Variants in AMZ1 observed in about 807,000 individuals in gnomAD.
AMZ1 encodes the protein archaemetzincin-1.
A neutral mutation model predicts 29.9 loss-of-function variants in AMZ1; 39 were observed. That is an observed-to-expected ratio of 1.30 (90% CI 1.01 to 1.70). The LOEUF is 1.70. Ranked by LOEUF, AMZ1 falls within the 40% of genes most tolerant of loss-of-function variation. AMZ1 has a pLI of 0.00. For missense variants in AMZ1, 1,041 were observed against 680.6 expected (o/e 1.53, Z -5.89); for synonymous variants, 458 against 304.0 (o/e 1.51, Z -5.27).
At chr7:2,697,167 A>G (rs141811638) in intron 1 of AMZ1, among the ~76,000 whole-genome samples, 1,846 of 152,278 alleles carry the variant, frequency 0.012, 43 homozygotes, top group African/African-American at 0.043. Flanking sequence ...CAATGGCGCA[A>G]TCTCGGCTCA....
At chr7:2,708,813 C>T in intron 4 of AMZ1, 97 bp downstream of exon 4, 3 of 1,570,080 alleles carry the variant, frequency 1.9e-6, no homozygotes, top group Non-Finnish European at 2.6e-6. Context: ...TTGCTTCAAG[C>T]ACCCTCCTGG....
At chr7:2,733,791 GGGACTCTCTTT>G (rs1790021667) in intron 4 of AMZ1, among the ~76,000 whole-genome samples, 1 of 152,198 alleles carries the variant, frequency 6.6e-6, no homozygotes, top group Admixed American at 6.5e-5. Flanking sequence ...CCTCTGATGG[GGGACTCTCTTT>G]CCAGACATGA....
chr7:2,703,304 C>G (rs1788168958), intron 3 of AMZ1, among the ~76,000 whole-genome samples: 1 of 152,092 alleles, frequency 6.6e-6, no homozygotes, highest in South Asian at 2.1e-4. Flanking sequence ...CCACACCCGG[C>G]TAATTTTTGT....
rs368696591 is a variant in AMZ1, at chr7:2,709,128, C to A, written c.655C>A (p.Pro219Thr). ...CTCAGGGGAATTCCCGAAGTCGGGGCCCAGCGCCCCTGATCTGGCCCTGGT... is the reference window on the plus strand; with the variant it reads ...CTCAGGGGAATTCCCGAAGTCGGGGACCAGCGCCCCTGATCTGGCCCTGGT... ...RFSGEFPKSG[P>T]SAPDLALVEA... The change falls in exon 5 of 7, where the codon CCC (proline) becomes ACC (threonine). Residue 219 changes from proline to threonine, a missense_variant. By Grantham distance (38) the Pro-to-Thr change is conservative (BLOSUM62 -1). Coordinates refer to ENST00000683327, the MANE Select transcript of AMZ1 (RefSeq NM_001384743.1). The A allele has an allele frequency of 2.5e-5, 40 of 1,598,410 alleles. No individual in the cohort carries two copies. The highest frequency in any genetic ancestry group is 3.3e-5 in the Non-Finnish European group (39 of 1,172,972).
At chr7:2,680,924 TCAC>T (rs2115019012) in intron 1 of AMZ1, among the ~76,000 whole-genome samples, 1 of 152,104 alleles carries the variant, frequency 6.6e-6, no homozygotes, top group South Asian at 2.1e-4. Flanking sequence ...CCTGGCCAAG[TCAC>T]CAGACACCAG....
intron 5 of AMZ1, 139 bp from the exon 6 acceptor site, chr7:2,709,501 A>AG (rs1185515603): frequency 1.5e-6 from 2 of 1,324,868 alleles, no homozygotes; most frequent in Non-Finnish European, 2.0e-6. Flanking sequence ...CGCCTGGGGC[A>AG]GGGGGAGGGC....
intron 4 of AMZ1, among the ~76,000 whole-genome samples, chr7:2,740,292 G>C (rs1282783882): frequency 6.6e-6 from 1 of 152,146 alleles, no homozygotes; most frequent in African/African-American, 2.4e-5. Flanking sequence ...CAGTGTGATG[G>C]TATTTGGAGA....
chr7:2,742,435 G>C (rs1394417740), intron 4 of AMZ1, among the ~76,000 whole-genome samples: 1 of 152,098 alleles, frequency 6.6e-6, no homozygotes, highest in Non-Finnish European at 1.5e-5. Context: ...CTCCATGCTT[G>C]CTGGTCTGTG....
chr7:2,756,058 T>C (rs1336516897), intron 4 of AMZ1, among the ~76,000 whole-genome samples: 1 of 152,200 alleles, frequency 6.6e-6, no homozygotes, highest in Non-Finnish European at 1.5e-5. Context: ...AACTTTCAAC[T>C]TGCTAGAAAG....
At chr7:2,709,936 C>T in intron 6 of AMZ1, 120 bp downstream of exon 6, 1 of 1,370,688 alleles carries the variant, frequency 7.3e-7, no homozygotes, top group Non-Finnish European at 1.0e-6. Flanking sequence ...CTGCCGGGTT[C>T]CAGGCAGTGC....
intron 4 of AMZ1, among the ~76,000 whole-genome samples, chr7:2,736,059 G>A (rs1005477742): frequency 2.6e-5 from 4 of 152,108 alleles, no homozygotes; most frequent in African/African-American, 9.7e-5. Context: ...CGTTTGCGAC[G>A]GACTCCTCAA....
chr7:2,710,432 C>T (rs7799678), intron 6 of AMZ1, among the ~76,000 whole-genome samples: 1,791 of 152,354 alleles, frequency 0.012, 45 homozygotes, highest in African/African-American at 0.041. Context: ...ATAAGGTGCT[C>T]ACTGCGTACA....
chr7:2,741,703 T>C (rs1252448527), intron 4 of AMZ1, among the ~76,000 whole-genome samples: 1 of 152,060 alleles, frequency 6.6e-6, no homozygotes, highest in African/African-American at 2.4e-5. Flanking sequence ...ATACACAGAC[T>C]TTTAAAAATC....
chr7:2,719,633 C>T lies in AMZ1; in HGVS notation c.*6755C>T, dbSNP rs1048592682. ...ATTGTTACTCAGCTTTTCTATAATG[C>T]TTACATCTTACATTTTCATTCTCAA... On this transcript the variant is annotated 3_prime_UTR_variant, in exon 7 of 7. Transcript: ENST00000683327. Among the ~76,000 whole-genome samples the T allele has an allele frequency of 1.3e-5, 2 of 152,220 alleles. No individual in the cohort carries two copies. The highest frequency in any genetic ancestry group is 4.8e-5 in the African/African-American group (2 of 41,542).
chr7:2,762,655 G>A (rs750871742), upstream of AMZ1: 12 of 1,598,900 alleles, frequency 7.5e-6, no homozygotes, highest in African/African-American at 2.7e-5. Context: ...GCGGCAGGAC[G>A]ATGAGAGGAT....
chr7:2,731,142 G>T lies in AMZ1; in HGVS notation n.550+21326G>T. ...CCCAAGAGTCTGACCGACAGCCGTGGGGGCTGCTCAACGACGACAAACCCC... is the reference window on the plus strand; with the variant it reads ...CCCAAGAGTCTGACCGACAGCCGTGTGGGCTGCTCAACGACGACAAACCCC... On this transcript the variant is annotated intron_variant and non_coding_transcript_variant, in intron 4 of 4. Coordinates refer to the AMZ1 transcript ENST00000489665. The surrounding 1 kb of genome is among the most constrained non-coding windows in gnomAD (Gnocchi z 6.0). The T allele has an allele frequency of 7.1e-7, 1 of 1,401,406 alleles. No homozygotes were observed. The allele number at this position is 1,401,406 out of a possible 1,614,324, so 86.8% of individuals were successfully genotyped here.
chr7:2,699,641 G>C (rs993074803), intron 1 of AMZ1, among the ~76,000 whole-genome samples: 10 of 152,302 alleles, frequency 6.6e-5, no homozygotes, highest in Admixed American at 3.3e-4. Flanking sequence ...GGGGTCCCTA[G>C]GTGATAGGGG....
At chr7:2,692,412 G>C (rs918185913) in intron 1 of AMZ1, among the ~76,000 whole-genome samples, 2 of 152,182 alleles carry the variant, frequency 1.3e-5, no homozygotes, top group Non-Finnish European at 2.9e-5. Context: ...TGTGGTGGCG[G>C]GCGCCTTTAG....
In AMZ1 at chr7:2,712,984, C is replaced by CT. The variant is rs889991401; in HGVS notation, c.*107dup. ...CCAGGGATAAAGAGGAAGGGTCTGC[C>CT]TGGGTGGTGGCTCAGGCCTGTCATC... On this transcript the variant is annotated 3_prime_UTR_variant, in exon 7 of 7. Coordinates refer to ENST00000683327, the MANE Select transcript of AMZ1 (RefSeq NM_001384743.1). The CT allele has an allele frequency of 3.9e-6, 5 of 1,278,564 alleles. No homozygotes were observed. In the African/African-American group the frequency reaches 7.7e-5, roughly 20 times the overall value. The allele number at this position is 1,278,564 out of a possible 1,614,324, so 79.2% of individuals were successfully genotyped here.
Sources: gnomAD v4.1 joint callset for allele counts (sites outside exome capture counted in the v4.1 genomes callset) on GRCh38, gnomAD v4.1.1 for gene constraint, Gnocchi (gnomAD v3.1) non-coding constraint, MANE v1.5 for transcripts, NCBI Gene and HGNC (gene_info 2026-07-23, HGNC 2026-07-21) for gene names.